The following NACC2 variants were observed in gnomAD, a reference collection of about 807,000 sequenced individuals.
The protein encoded by NACC2 is NACC family member 2.
A neutral mutation model predicts 25.1 loss-of-function variants in NACC2; 8 were observed. The observed-to-expected ratio is 0.32, with a 90% CI of 0.19 to 0.57. The LOEUF (loss-of-function observed/expected upper bound fraction) is 0.57, where lower values mean the gene tolerates loss of function less well. NACC2 is among the 20% of genes least tolerant of loss of function. The pLI, the probability that NACC2 is intolerant of heterozygous loss-of-function variation, is 0.89. For missense variants in NACC2, 644 were observed against 650.2 expected, an observed-to-expected ratio of 0.99 and a Z score of 0.10; for synonymous variants, 435 against 294.7, an observed-to-expected ratio of 1.48 and a Z score of -4.88.
chr9:136,047,524 C>T (rs1244271008), intron 2 of NACC2, among the ~76,000 whole-genome samples: 1 of 152,210 alleles, frequency 6.6e-6, no homozygotes, highest in Non-Finnish European at 1.5e-5. Flanking sequence ...CTGGCATCAG[C>T]GACACCCGTG....
At chr9:136,066,563 T>C (rs1036694307) in intron 1 of NACC2, among the ~76,000 whole-genome samples, 6 of 152,182 alleles carry the variant, frequency 3.9e-5, no homozygotes, top group Non-Finnish European at 8.8e-5. Context: ...GGGCCACTTA[T>C]GGAAAACAGT....
chr9:136,023,443 C>T (rs1840328487), intron 2 of NACC2, among the ~76,000 whole-genome samples: 1 of 152,132 alleles, frequency 6.6e-6, no homozygotes, highest in South Asian at 2.1e-4. Context: ...CTGGCCCCTG[C>T]CCTGCCCCAC....
At chr9:136,030,076 T>C (rs1017761830) in intron 2 of NACC2, among the ~76,000 whole-genome samples, 1 of 152,176 alleles carries the variant, frequency 6.6e-6, no homozygotes, top group African/African-American at 2.4e-5. Flanking sequence ...AGTTTCACCA[T>C]GATAGCCAGG....
intron 2 of NACC2, 126 bp downstream of exon 2, chr9:136,049,510 A>G: frequency 8.2e-6 from 5 of 608,992 alleles, no homozygotes; most frequent in South Asian, 1.9e-5. Flanking sequence ...CACCTCCTCC[A>G]GGCTTGGTGG....
At position 136,084,798 on chromosome 9, in the gene NACC2, C is replaced by T. The variant is rs954763093; in HGVS notation, c.-60+10391G>A. On this transcript the variant is annotated intron_variant, in intron 1 of 5. Transcript: ENST00000277554. This position sits in a 1 kb window ranked among gnomAD's most constrained non-coding sequence, Gnocchi z 5.1. ...GCCACTCCCTGCAACCCGGAGGAGC[C>T]GTGGGGAGAGGGTGCGGAGCAAATG... Among the ~76,000 whole-genome samples, 12 of 152,190 alleles carry T rather than the reference C, an allele frequency of 7.9e-5. No homozygotes were observed. Among genetic ancestry groups the T allele is most frequent in the East Asian group, 3.9e-4 (2 of 5,184 alleles).
intron 1 of NACC2, among the ~76,000 whole-genome samples, chr9:136,058,454 C>T (rs1369367633): frequency 6.6e-6 from 1 of 152,242 alleles, no homozygotes; most frequent in Non-Finnish European, 1.5e-5. Flanking sequence ...TCCCCAGGGC[C>T]CTGGCCATCC....
At chr9:136,034,729 G>A (rs1355754366) in intron 2 of NACC2, among the ~76,000 whole-genome samples, 4 of 152,156 alleles carry the variant, frequency 2.6e-5, no homozygotes, top group Admixed American at 2.6e-4. Context: ...CCAGTGAGTG[G>A]GGGATATAGG....
Position 136,024,485 on chromosome 9 carries a change from AGTGT to A in NACC2, c.887-8060_887-8057del, listed in dbSNP as rs549612580. Among the ~76,000 whole-genome samples, 379 of 90,504 alleles carry A rather than the reference AGTGT, an allele frequency of 4.2e-3. 4 individuals are homozygous for A. Among genetic ancestry groups the A allele is most frequent in the African/African-American group, 0.014 (350 of 24,496 alleles). The allele number at this position is 90,504 out of a possible 152,430, so 59.4% of individuals were successfully genotyped here. ...GAGGACAGAGGGTGCGTGTGAGGAC[AGTGT>A]GTGTGAGGACAGAATGTGTGTGTGT... On this transcript the variant is annotated intron_variant, in intron 2 of 5. Coordinates refer to ENST00000277554, the MANE Select transcript of NACC2 (RefSeq NM_144653.5).
intron 2 of NACC2, among the ~76,000 whole-genome samples, chr9:136,032,405 A>G (rs538635188): frequency 1.3e-5 from 2 of 152,330 alleles, no homozygotes; most frequent in Non-Finnish European, 2.9e-5. Flanking sequence ...CTCTTAACCT[A>G]GGAAATGAAA....
chr9:136,052,239 G>A (rs1322020249), intron 1 of NACC2, among the ~76,000 whole-genome samples: 4 of 152,232 alleles, frequency 2.6e-5, no homozygotes, highest in Non-Finnish European at 4.4e-5. Flanking sequence ...TACAGTAGTG[G>A]AGAAATGCTT....
intron 1 of NACC2, among the ~76,000 whole-genome samples, chr9:136,094,862 G>A (rs1222544852): frequency 6.6e-6 from 1 of 151,496 alleles, no homozygotes; most frequent in African/African-American, 2.4e-5. Context: ...AACCCAGCAG[G>A]CGGCGGGGAG....
rs544262404 is a variant in NACC2 at position 136,007,372 on chromosome 9, CACAT to C, written c.*4140_*4143del. ...GCACACACACAGACACACGCGTGCA[CACAT>C]ACACAGACACGCGTGCAGAGACACG... On this transcript the variant is annotated 3_prime_UTR_variant, in exon 6 of 6. Transcript: ENST00000277554. The C allele has an allele frequency of 6.8e-4, 103 of 152,340 alleles. 2 individuals carry two copies. The highest frequency in any genetic ancestry group is 2.2e-3 in the African/African-American group (92 of 41,396). 9.4% of individuals were successfully genotyped at this position (152,340 alleles called of 1,614,324 possible).
rs918170585 is a variant in NACC2 at position 136,016,289 on chromosome 9, C to T, written c.1027G>A (p.Gly343Arg). 14 of 1,612,810 alleles carry T rather than the reference C, an allele frequency of 8.7e-6. No individual in the cohort carries two copies. The highest frequency in any genetic ancestry group is 5.3e-5 in the African/African-American group (4 of 74,904). ...CCTGCCACCAGCTCCAGCTTCTCCC[C>T]GGGGTCCCCTTCCGAGTAGAGCTTG... ...HPKLYSEGDP[G>R]EKLELVAGSG... The change falls in exon 3 of 6, where the codon GGG (glycine) becomes AGG (arginine). Residue 343 changes from glycine to arginine, a missense_variant. Coordinates refer to ENST00000277554, the MANE Select transcript of NACC2 (RefSeq NM_144653.5).
At chr9:136,030,656 A>G (rs1588563508) in intron 2 of NACC2, among the ~76,000 whole-genome samples, 2 of 152,180 alleles carry the variant, frequency 1.3e-5, no homozygotes, top group East Asian at 3.9e-4. Context: ...ATGTCAATAC[A>G]TCTGAACTTT....
Position 136,011,626 on chromosome 9 carries a change from C to T in NACC2, c.1654G>A (p.Gly552Ser). The change falls in exon 6 of 6, where the codon GGC becomes AGC. Residue 552 changes from glycine (G) to serine (S), a missense_variant. Physicochemically the swap from Gly to Ser is moderately conservative, Grantham distance 56. Coordinates refer to ENST00000277554, the MANE Select transcript of NACC2 (RefSeq NM_144653.5). ...TCAAAGGGCTGTGGGGGGCTCTGGC[C>T]ATCGGCGGGCAGCGGCTCGGGGGCG... ...VAAPEPLPAD[G>S]QSPPQPFEQG... 1 of 1,405,742 alleles carries T rather than the reference C, an allele frequency of 7.1e-7. No homozygotes were observed. The highest frequency in any genetic ancestry group is 1.5e-5 in the African/African-American group (1 of 66,040). 87.1% of individuals were successfully genotyped at this position (1,405,742 alleles called of 1,614,324 possible).
chr9:136,065,449 G>A (rs759500139), intron 1 of NACC2, among the ~76,000 whole-genome samples: 36 of 152,080 alleles, frequency 2.4e-4, no homozygotes, highest in Admixed American at 1.4e-3. Flanking sequence ...GTAAGATCCC[G>A]TCTCTACTAA....
intron 2 of NACC2, among the ~76,000 whole-genome samples, chr9:136,047,344 T>C (rs1840746135): frequency 6.6e-6 from 1 of 152,144 alleles, no homozygotes. Context: ...TCACAGCCAG[T>C]AACCTAGATT....
chr9:136,094,531 C>T (rs1422318673), intron 1 of NACC2, among the ~76,000 whole-genome samples: 1 of 152,084 alleles, frequency 6.6e-6, no homozygotes, highest in African/African-American at 2.4e-5. Context: ...GCTGGGGCCC[C>T]CCGACCTCAG....
intron 2 of NACC2, among the ~76,000 whole-genome samples, chr9:136,038,494 C>T (rs1423858747): frequency 6.6e-6 from 1 of 152,066 alleles, no homozygotes; most frequent in Non-Finnish European, 1.5e-5. Flanking sequence ...GAGTTGAGAT[C>T]GTGCCACTGC....
Sources: gnomAD v4.1 joint callset for allele counts (sites outside exome capture counted in the v4.1 genomes callset) on GRCh38, gnomAD v4.1.1 for gene constraint, Gnocchi (gnomAD v3.1) non-coding constraint, MANE v1.5 for transcripts, NCBI Gene and HGNC (gene_info 2026-07-23, HGNC 2026-07-21) for gene names.